The following ANKRD30BL variants were observed in gnomAD, a reference collection of about 807,000 sequenced individuals.
ANKRD30BL encodes ankyrin repeat domain 30B like.
Under a neutral mutation model 18.4 loss-of-function variants are expected in ANKRD30BL, and 20 were observed. That is an observed-to-expected ratio of 1.09 (90% CI 0.77 to 1.58). The LOEUF (loss-of-function observed/expected upper bound fraction) is 1.58, where lower values mean the gene tolerates loss of function less well. Ranked by LOEUF, ANKRD30BL falls within the 40% of genes most tolerant of loss-of-function variation. The pLI, the probability that ANKRD30BL is intolerant of heterozygous loss-of-function variation, is 0.00. For missense variants in ANKRD30BL, 224 were observed against 268.6 expected, an observed-to-expected ratio of 0.83 and a Z score of 1.16; for synonymous variants, 72 against 100.9, an observed-to-expected ratio of 0.71 and a Z score of 1.72.
At chr2:132,231,606 C>T (rs1204829104) in intron 1 of ANKRD30BL, among the ~76,000 whole-genome samples, 5 of 152,194 alleles carry the variant, frequency 3.3e-5, no homozygotes, top group Admixed American at 6.5e-5. Flanking sequence ...GGGTCACTCC[C>T]ACCCGAATAT....
At chr2:132,219,843 C>T (rs1186838811) in intron 1 of ANKRD30BL, among the ~76,000 whole-genome samples, 1 of 151,390 alleles carries the variant, frequency 6.6e-6, no homozygotes, top group Non-Finnish European at 1.5e-5. Context: ...AAACACTAGA[C>T]AGAATTATTC....
chr2:132,251,256 C>T (rs1680639435), intron 1 of ANKRD30BL, among the ~76,000 whole-genome samples: 1 of 152,168 alleles, frequency 6.6e-6, no homozygotes, highest in African/African-American at 2.4e-5. Flanking sequence ...TTATCAAAAC[C>T]TGGAAACTGA....
intron 1 of ANKRD30BL, among the ~76,000 whole-genome samples, chr2:132,240,401 T>C (rs1460964969): frequency 6.6e-6 from 1 of 151,890 alleles, no homozygotes; most frequent in Non-Finnish European, 1.5e-5. Flanking sequence ...ACGTTACTTT[T>C]CATAGAGCAG....
At chr2:132,220,368 C>G (rs1476469557) in intron 1 of ANKRD30BL, among the ~76,000 whole-genome samples, 1 of 137,790 alleles carries the variant, frequency 7.3e-6, no homozygotes, top group Non-Finnish European at 1.5e-5. Context: ...CCCTCTCCCT[C>G]TCCCTCTCCC....
intron 1 of ANKRD30BL, among the ~76,000 whole-genome samples, chr2:132,182,223 C>G (rs1688479822): frequency 6.6e-6 from 1 of 152,060 alleles, no homozygotes; most frequent in African/African-American, 2.4e-5. Context: ...GTTGCTCAAG[C>G]CTGTATCCCA....
intron 1 of ANKRD30BL, among the ~76,000 whole-genome samples, chr2:132,221,470 G>T (rs1177886464): frequency 6.0e-5 from 7 of 116,544 alleles, no homozygotes; most frequent in African/African-American, 7.9e-5. Context: ...GGTGAGGGGC[G>T]CCTCTGCCTG....
intron 1 of ANKRD30BL, among the ~76,000 whole-genome samples, chr2:132,228,568 G>T (rs372414899): frequency 2.0e-5 from 3 of 151,332 alleles, no homozygotes; most frequent in Non-Finnish European, 4.4e-5. Context: ...CATTTGGAGC[G>T]CTTTGAGGCC....
chr2:132,226,463 G>A (rs1304703195), intron 1 of ANKRD30BL, among the ~76,000 whole-genome samples: 1 of 151,356 alleles, frequency 6.6e-6, no homozygotes, highest in African/African-American at 2.5e-5. Context: ...CACTCTTTTT[G>A]TAGAATCTGC....
chr2:132,173,875 C>G (rs1688322055), intron 1 of ANKRD30BL, among the ~76,000 whole-genome samples: 1 of 152,060 alleles, frequency 6.6e-6, no homozygotes, highest in Non-Finnish European at 1.5e-5. Context: ...AATTTTTTCT[C>G]TTGCTATAAA....
At chr2:132,256,994 GA>G in intron 1 of ANKRD30BL, 1 of 515,980 alleles carries the variant, frequency 1.9e-6, no homozygotes. Context: ...GGGCCACCAG[GA>G]AAACACGGCC....
At chr2:132,167,196 T>G (rs1490375899) in intron 1 of ANKRD30BL, among the ~76,000 whole-genome samples, 1 of 151,790 alleles carries the variant, frequency 6.6e-6, no homozygotes, top group Non-Finnish European at 1.5e-5. Flanking sequence ...CATAATGCAG[T>G]GTGTCTTGTA....
chr2:132,173,588 C>G (rs1688317897), intron 1 of ANKRD30BL, among the ~76,000 whole-genome samples: 1 of 152,104 alleles, frequency 6.6e-6, no homozygotes, highest in African/African-American at 2.4e-5. Context: ...TGCATCGCTC[C>G]TGGCCCAGTT....
In ANKRD30BL at chr2:132,230,205, A is replaced by G. The variant is rs544628927; in HGVS notation, n.441+27324T>C. ...GTTTGTCTTCAACTCACAGAGTTGA[A>G]TATACGTTTTCATAGAGCAGTTTTG... On this transcript the variant is annotated intron_variant and non_coding_transcript_variant, in intron 1 of 4. Coordinates refer to the ANKRD30BL transcript ENST00000470729. 1.2e-3 allele frequency among the ~76,000 whole-genome samples: 190 copies of G among 152,302 alleles called. 1 individual carries two copies. The highest frequency in any genetic ancestry group is 6.8e-3 in the Middle Eastern group (2 of 294).
At chr2:132,222,046 G>C (rs895200525) in intron 1 of ANKRD30BL, among the ~76,000 whole-genome samples, 1 of 134,488 alleles carries the variant, frequency 7.4e-6, no homozygotes. Flanking sequence ...AGGGAGGCGG[G>C]GGGGGGGGTC....
rs942537885 is a variant in ANKRD30BL, at chr2:132,191,966, G to A, written n.442-34820C>T. Among the ~76,000 whole-genome samples, 51 of 152,022 alleles carry A rather than the reference G, an allele frequency of 3.4e-4. No homozygotes were observed. The South Asian group carries it at 8.5e-3, about 25-fold the overall frequency. On this transcript the variant is annotated intron_variant and non_coding_transcript_variant, in intron 1 of 4. Transcript: ENST00000470729. ...TCACCGTGTTAGCCAGGATTGTCTCGATCTCCTGACCTTGTGATTCACCCA... is the reference window on the plus strand; with the variant it reads ...TCACCGTGTTAGCCAGGATTGTCTCAATCTCCTGACCTTGTGATTCACCCA...
upstream of ANKRD30BL, among the ~76,000 whole-genome samples, chr2:132,162,613 G>A (rs929590213): frequency 3.9e-4 from 60 of 152,200 alleles, no homozygotes; most frequent in African/African-American, 1.4e-3. Flanking sequence ...TGCTGGTGGC[G>A]CGGACAGGTT....
At chr2:132,172,523 T>C (rs907623526) in intron 1 of ANKRD30BL, among the ~76,000 whole-genome samples, 1 of 152,208 alleles carries the variant, frequency 6.6e-6, no homozygotes, top group African/African-American at 2.4e-5. Flanking sequence ...ATACATCTTC[T>C]TTAGATAATT....
intron 1 of ANKRD30BL, among the ~76,000 whole-genome samples, chr2:132,180,906 G>C (rs1236968157): frequency 6.6e-6 from 1 of 152,164 alleles, no homozygotes; most frequent in Non-Finnish European, 1.5e-5. Context: ...CCAGCACTTT[G>C]GGAGGCTGAG....
rs551932400 is a variant in ANKRD30BL at position 132,205,255 on chromosome 2, A to G, written n.442-48109T>C. 3.9e-5 allele frequency among the ~76,000 whole-genome samples: 6 copies of G among 152,244 alleles called. No individual in the cohort carries two copies. The East Asian group carries it at 1.2e-3, about 29-fold the overall frequency. On this transcript the variant is annotated intron_variant and non_coding_transcript_variant, in intron 1 of 4. Coordinates refer to the ANKRD30BL transcript ENST00000470729. ...GGTGCAGAATAGTAAGAAAAGAAATACCCATTAAGACTAGTACTTACACAG... is the reference window on the plus strand; with the variant it reads ...GGTGCAGAATAGTAAGAAAAGAAATGCCCATTAAGACTAGTACTTACACAG...
Sources: gnomAD v4.1 joint callset for allele counts (sites outside exome capture counted in the v4.1 genomes callset) on GRCh38, gnomAD v4.1.1 for gene constraint, MANE v1.5 for transcripts, NCBI Gene and HGNC (gene_info 2026-07-23, HGNC 2026-07-21) for gene names.